The following CERCAM variants were observed in gnomAD, a reference collection of about 807,000 sequenced individuals.
CERCAM encodes cerebral endothelial cell adhesion molecule, also known as inactive glycosyltransferase 25 family member 3.
CERCAM carries 59 observed loss-of-function variants against 66.0 expected under a neutral mutation model. That is an observed-to-expected ratio of 0.89 (90% CI 0.73 to 1.11). The LOEUF (loss-of-function observed/expected upper bound fraction) is 1.11. Ranked by LOEUF, CERCAM falls within the 50% of genes most tolerant of loss-of-function variation. The pLI, the probability that CERCAM is intolerant of heterozygous loss-of-function variation, is 0.00. For synonymous variants in CERCAM, 318 were observed against 343.6 expected (o/e 0.93, Z 0.83); for missense variants, 840 against 828.3 (o/e 1.01, Z -0.17).
intron 1 of CERCAM, 131 bp from the exon 2 acceptor site, chr9:128,422,737 T>C (rs1469223538): frequency 3.9e-6 from 4 of 1,036,992 alleles, no homozygotes; most frequent in Non-Finnish European, 5.5e-6. Context: ...GCCTCTCTGC[T>C]GTAGCACACC....
In CERCAM at chr9:128,424,597, A is replaced by G. The variant is rs1257022353; in HGVS notation, c.749A>G (p.Tyr250Cys). 17 of 1,613,984 alleles carry G rather than the reference A, an allele frequency of 1.1e-5. No homozygotes were observed. Among genetic ancestry groups the G allele is most frequent in the Non-Finnish European group, 1.4e-5 (17 of 1,180,036 alleles). Residue 250 changes from tyrosine (Y) to cysteine (C), a missense_variant, in exon 5 of 13, where the codon TAT becomes TGT. By Grantham distance (194) the Tyr-to-Cys change is radical. Coordinates refer to ENST00000372838, the MANE Select transcript of CERCAM (RefSeq NM_016174.5). ...WPFDDIIVFA[Y>C]ACQAAGVSVH... ...TTCGACGACATCATCGTCTTCGCCT[A>G]TGCCTGCCAGGCTGCTGGTGAGGAC... is the stretch of plus-strand genomic sequence containing the variant.
intron 5 of CERCAM, among the ~76,000 whole-genome samples, chr9:128,427,315 G>A (rs1833867917): frequency 6.6e-6 from 1 of 152,000 alleles, no homozygotes; most frequent in South Asian, 2.1e-4. Flanking sequence ...GTTTCACCAT[G>A]TTGGCCAGGC....
chr9:128,434,585 C>G lies in CERCAM; in HGVS notation c.1507C>G (p.Leu503Val), dbSNP rs765454093. ...CCGCATGCTGCCCGTGGACGAGTTC[C>G]TGCCCATCATGTTCGACCAGCACCC... ...LRRMLPVDEFLPIMFDQHPNE... is the reference protein window; with the variant it reads ...LRRMLPVDEFVPIMFDQHPNE... The change falls in exon 11 of 13, where the codon CTG (leucine) becomes GTG (valine). Residue 503 changes from leucine (L) to valine (V), a missense_variant. By Grantham distance (32) the Leu-to-Val change is conservative. Coordinates refer to ENST00000372838, the MANE Select transcript of CERCAM (RefSeq NM_016174.5). This position sits in a 1 kb window ranked among gnomAD's most constrained non-coding sequence, Gnocchi z 4.5. The G allele has an allele frequency of 6.2e-7, 1 of 1,610,100 alleles. No individual in the cohort carries two copies. Among genetic ancestry groups the G allele is most frequent in the Non-Finnish European group, 8.5e-7 (1 of 1,179,872 alleles).
intron 2 of CERCAM, 50 bp from the exon 3 acceptor site, chr9:128,423,096 A>G (rs761290530): frequency 4.2e-6 from 6 of 1,438,468 alleles, no homozygotes; most frequent in African/African-American, 1.4e-5. Flanking sequence ...TGCCCTGCAG[A>G]GAGGGAGGGG....
chr9:128,433,805 T>C (rs1660403353), intron 9 of CERCAM, among the ~76,000 whole-genome samples: 1 of 152,062 alleles, frequency 6.6e-6, no homozygotes, highest in South Asian at 2.1e-4. Context: ...AGGATCATCA[T>C]CTCCTGCCTC....
chr9:128,429,053 G>A lies in CERCAM; in HGVS notation c.1070+17G>A, dbSNP rs201116187. On this transcript the variant is annotated intron_variant, in intron 8 of 12. Coordinates refer to ENST00000372838, the MANE Select transcript of CERCAM (RefSeq NM_016174.5). The stretch of plus-strand genomic sequence containing the variant: ...GGATGGCTGGTGAGCCTGCCTGGTG[G>A]GGGGGGCCCTGTGCGCTTGGGGAAG... 3 of 1,569,790 alleles carry A rather than the reference G, an allele frequency of 1.9e-6. No homozygotes were observed. Among genetic ancestry groups the A allele is most frequent in the African/African-American group, 1.3e-5 (1 of 74,194 alleles).
chr9:128,428,225 G>A lies in CERCAM; in HGVS notation c.767-77G>A, dbSNP rs1237189756. ...ACTGACATGTTGGGTCACTGGCAGT[G>A]CTGGGCCTAGGACCTTTCAGCTGGG... On this transcript the variant is annotated intron_variant, in intron 5 of 12. Transcript: ENST00000372838. The A allele has an allele frequency of 3.3e-6, 5 of 1,535,256 alleles. No homozygotes were observed. In the African/African-American group the frequency reaches 5.5e-5, roughly 17 times the overall value.
At chr9:128,429,810 CAG>C (rs1226460470) in intron 8 of CERCAM, among the ~76,000 whole-genome samples, 3 of 150,004 alleles carry the variant, frequency 2.0e-5, no homozygotes, top group South Asian at 2.1e-4. Context: ...TTTTTTGAGG[CAG>C]AGTCTCGCTC....
chr9:128,420,988 C>T lies in CERCAM; in HGVS notation c.111C>T (p.Ile37=), dbSNP rs1049134058. The T allele has an allele frequency of 6.1e-6, 9 of 1,468,460 alleles. No homozygotes were observed. In the African/African-American group the frequency reaches 7.3e-5, roughly 12 times the overall value. 91.0% of individuals were successfully genotyped at this position (1,468,460 alleles called of 1,614,324 possible). A position where few individuals can be genotyped will look rare whatever the true frequency, so the allele number is the denominator to read the frequency against. The change falls in exon 1 of 13, where the codon ATC becomes ATT. Residue 37 remains isoleucine, a synonymous_variant. Transcript: ENST00000372838. This position sits in a 1 kb window ranked among gnomAD's most constrained non-coding sequence, Gnocchi z 5.0. ...CGCTGCCCGCCGTGGTCCTTGCCAT[C>T]CTGGCCCGCAATGCCGAACACTCGC... ...ESPLPAVVLA[I]LARNAEHSLP...
At chr9:128,431,067 T>G in intron 8 of CERCAM, 104 bp from the exon 9 acceptor site, 1 of 1,401,452 alleles carries the variant, frequency 7.1e-7, no homozygotes, top group Non-Finnish European at 9.7e-7. Flanking sequence ...GAAACCTTCT[T>G]CAAACCCGAC....
intron 6 of CERCAM, 99 bp downstream of exon 6, chr9:128,428,520 T>G: frequency 2.1e-6 from 3 of 1,452,636 alleles, no homozygotes; most frequent in Non-Finnish European, 2.8e-6. Context: ...GGCATTGGCC[T>G]TGGGGTTCCA....
chr9:128,429,218 T>A (rs1833920514), intron 8 of CERCAM, among the ~76,000 whole-genome samples, 182 bp downstream of exon 8: 1 of 152,144 alleles, frequency 6.6e-6, no homozygotes, highest in Non-Finnish European at 1.5e-5. Flanking sequence ...TGGGAGAAGA[T>A]GCCCTCCTGC....
chr9:128,430,303 G>A lies in CERCAM; in HGVS notation c.1071-868G>A, dbSNP rs138056607. Among the ~76,000 whole-genome samples the A allele has an allele frequency of 4.0e-3, 603 of 152,338 alleles. 5 individuals carry two copies. The highest frequency in any genetic ancestry group is 0.014 in the African/African-American group (584 of 41,584). On this transcript the variant is annotated intron_variant, in intron 8 of 12. Transcript: ENST00000372838. ...TGTAATCTCAGCTACTTGGGAGGCT[G>A]AGTCAGGAGAACTGCTGGAACCCAG...
Position 128,420,871 on chromosome 9 carries a change from GC to G in CERCAM, c.-4del. On this transcript the variant is annotated 5_prime_UTR_variant, in exon 1 of 13. Coordinates refer to ENST00000372838, the MANE Select transcript of CERCAM (RefSeq NM_016174.5). This position sits in a 1 kb window ranked among gnomAD's most constrained non-coding sequence, Gnocchi z 5.0. ...CGGGGGCCGCTGCAGCCGCCCAAGC[GC>G]CCGCCATGCGCGCTGCCCGCGCCGC... 8.0e-7 allele frequency: 1 copy of G among 1,247,226 alleles called. No homozygotes were observed. Among genetic ancestry groups the G allele is most frequent in the Non-Finnish European group, 1.0e-6 (1 of 993,644 alleles). The allele number at this position is 1,247,226 out of a possible 1,614,324, so 77.3% of individuals were successfully genotyped here.
intron 8 of CERCAM, among the ~76,000 whole-genome samples, chr9:128,430,310 G>A (rs1833945406): frequency 1.3e-5 from 2 of 152,186 alleles, no homozygotes; most frequent in South Asian, 2.1e-4. Context: ...GCTGAGTCAG[G>A]AGAACTGCTG....
At chr9:128,431,653 G>A (rs1319482085) in intron 9 of CERCAM, 3 of 217,786 alleles carry the variant, frequency 1.4e-5, no homozygotes, top group South Asian at 7.8e-5. Flanking sequence ...GCAGTGGAGG[G>A]GAGAGGTATG....
chr9:128,420,465 A>G (rs76711840), upstream of CERCAM: 7,032 of 152,900 alleles, frequency 0.046, 418 homozygotes, highest in African/African-American at 0.14. The surrounding 1 kb of genome is among the most constrained non-coding windows in gnomAD (Gnocchi z 5.0). Flanking sequence ...CAGGTCGAAG[A>G]GTCGGCTGCG....
In CERCAM at chr9:128,421,024, C is replaced by T; in HGVS notation, c.147C>T (p.Tyr49=). ...ARNAEHSLPH[Y]LGALERLDYP... is the part of the protein sequence containing the mutation. ...ATGCCGAACACTCGCTGCCCCACTA[C>T]CTGGGCGCTCTGGAGCGGCTGGACT... Residue 49 remains tyrosine, a synonymous_variant, in exon 1 of 13, where the codon TAC becomes TAT. Transcript: ENST00000372838. 1.4e-6 allele frequency: 2 copies of T among 1,438,646 alleles called. No homozygotes were observed. The highest frequency in any genetic ancestry group is 1.8e-6 in the Non-Finnish European group (2 of 1,094,038). 89.1% of individuals were successfully genotyped at this position (1,438,646 alleles called of 1,614,324 possible).
chr9:128,423,041 A>G, intron 2 of CERCAM, 63 bp downstream of exon 2: 1 of 1,611,554 alleles, frequency 6.2e-7, no homozygotes, highest in Non-Finnish European at 8.5e-7. Flanking sequence ...AGAGAGGAAA[A>G]GGGACAGCCC....
Sources: allele counts gnomAD v4.1 joint callset (sites outside exome capture counted in the v4.1 genomes callset), GRCh38; gene constraint gnomAD v4.1.1; non-coding constraint Gnocchi (gnomAD v3.1); transcripts MANE v1.5; gene names NCBI Gene and HGNC (gene_info 2026-07-23, HGNC 2026-07-21).